CIB2: variants seen among roughly 807,000 people sequenced by gnomAD.
CIB2 encodes calcium and integrin binding family member 2, also known as calcium and integrin-binding family member 2.
A neutral mutation model predicts 23.1 loss-of-function variants in CIB2; 19 were observed. The ratio of observed to expected loss-of-function variants is 0.82; its 90% CI spans 0.57 to 1.21. The LOEUF (loss-of-function observed/expected upper bound fraction) is 1.21, where lower values mean the gene tolerates loss of function less well. Among genes scored for constraint, CIB2 ranks in the 50% most tolerant of loss-of-function variants. CIB2 has a pLI of 0.00. For missense variants in CIB2, 220 were observed against 241.5 expected (o/e 0.91, Z 0.59); for synonymous variants, 94 against 91.7 (o/e 1.03, Z -0.14).
At chr15:78,124,414 G>T (rs1596361930) in intron 1 of CIB2, among the ~76,000 whole-genome samples, 1 of 151,974 alleles carries the variant, frequency 6.6e-6, no homozygotes, top group East Asian at 1.9e-4. Context: ...CATTACTCCA[G>T]GTGGGGGGCA....
At chr15:78,127,418 G>A (rs1400468276) in intron 1 of CIB2, among the ~76,000 whole-genome samples, 1 of 152,138 alleles carries the variant, frequency 6.6e-6, no homozygotes, top group Non-Finnish European at 1.5e-5. Flanking sequence ...AGGAGAGAGG[G>A]GGCCTAACCC....
chr15:78,110,335 C>G (rs1021790557), intron 3 of CIB2, among the ~76,000 whole-genome samples: 1 of 152,246 alleles, frequency 6.6e-6, no homozygotes, highest in Non-Finnish European at 1.5e-5. Flanking sequence ...CTCCAGCAAC[C>G]CTCTGAGCTT....
intron 2 of CIB2, among the ~76,000 whole-genome samples, chr15:78,112,410 G>GA (rs371070218): frequency 9.3e-5 from 14 of 150,766 alleles, no homozygotes; most frequent in South Asian, 4.2e-4. Flanking sequence ...CTACAAAAAT[G>GA]AAAAAAAAAT....
At chr15:78,109,200 C>CGGGG in intron 4 of CIB2, 35 bp downstream of exon 4, 1 of 1,159,162 alleles carries the variant, frequency 8.6e-7, no homozygotes, top group Non-Finnish European at 1.2e-6. Flanking sequence ...GTTCCCCCAC[C>CGGGG]GCATATTCAG....
intron 4 of CIB2, among the ~76,000 whole-genome samples, chr15:78,108,826 C>T (rs1036160068): frequency 3.3e-5 from 5 of 152,226 alleles, no homozygotes; most frequent in African/African-American, 4.8e-5. Flanking sequence ...AGACTCATAC[C>T]GCCCCCTGTC....
intron 1 of CIB2, among the ~76,000 whole-genome samples, chr15:78,124,781 A>G (rs540893412): frequency 2.0e-5 from 3 of 152,264 alleles, no homozygotes; most frequent in Non-Finnish European, 2.9e-5. Context: ...TCTGATGAGG[A>G]GTGAATGGCT....
In CIB2 at chr15:78,131,228, G is replaced by T; in HGVS notation, c.-13C>A. 1 of 1,493,776 alleles carries T rather than the reference G, an allele frequency of 6.7e-7. No individual in the cohort carries two copies. The allele number at this position is 1,493,776 out of a possible 1,614,324, so 92.5% of individuals were successfully genotyped here. On this transcript the variant is annotated 5_prime_UTR_variant, in exon 1 of 6. Transcript: ENST00000258930. The surrounding 1 kb of genome is among the most constrained non-coding windows in gnomAD (Gnocchi z 5.8). ...GCTTGTTCCCCATGGTGGCCGCCGCGCCGCCGCTCGCCCGCCCGGGCTCCG... is the reference window on the plus strand; with the variant it reads ...GCTTGTTCCCCATGGTGGCCGCCGCTCCGCCGCTCGCCCGCCCGGGCTCCG...
chr15:78,112,579 T>C (rs1004519275), intron 2 of CIB2, among the ~76,000 whole-genome samples: 2 of 152,004 alleles, frequency 1.3e-5, no homozygotes, highest in Non-Finnish European at 2.9e-5. Flanking sequence ...AAAACAAAAA[T>C]TGTGTCCATT....
chr15:78,105,258 G>A lies in CIB2; in HGVS notation c.*53C>T. On this transcript the variant is annotated 3_prime_UTR_variant, in exon 6 of 6. Transcript: ENST00000258930. ...GGGAGCTTGGAGGCCACACCCATGT[G>A]ACTGCAGGGCAGGATGGTGGACTTC... 1 of 1,612,082 alleles carries A rather than the reference G, an allele frequency of 6.2e-7. No homozygotes were observed. The highest frequency in any genetic ancestry group is 8.5e-7 in the Non-Finnish European group (1 of 1,178,796).
intron 3 of CIB2, among the ~76,000 whole-genome samples, chr15:78,110,481 C>T (rs1210262000): frequency 6.6e-6 from 1 of 152,258 alleles, no homozygotes; most frequent in Non-Finnish European, 1.5e-5. Context: ...ACTCCACCTT[C>T]AAGCCACACA....
chr15:78,115,556 T>C (rs57778149), intron 2 of CIB2, among the ~76,000 whole-genome samples: 7,673 of 151,990 alleles, frequency 0.05, 295 homozygotes, highest in South Asian at 0.15. Flanking sequence ...CCACCGCACC[T>C]GGTCAAAAGT....
intron 2 of CIB2, 101 bp downstream of exon 2, chr15:78,123,604 C>G: frequency 8.3e-7 from 1 of 1,210,002 alleles, no homozygotes; most frequent in Non-Finnish European, 1.2e-6. Context: ...TGCTGATGCT[C>G]TGCCTCAGCC....
chr15:78,128,060 C>T (rs974946501), intron 1 of CIB2, among the ~76,000 whole-genome samples: 1 of 152,246 alleles, frequency 6.6e-6, no homozygotes, highest in African/African-American at 2.4e-5. Context: ...TCTTTTGTGC[C>T]TGGACAGAGG....
chr15:78,123,770 A>G (rs2141913514), intron 1 of CIB2, 31 bp from the exon 2 acceptor site: 1 of 1,613,704 alleles, frequency 6.2e-7, no homozygotes, highest in East Asian at 2.2e-5. Flanking sequence ...ACACACAGTC[A>G]GTGTGCGGCT....
At chr15:78,105,668 G>T (rs773804600) in intron 5 of CIB2, 71 bp downstream of exon 5, 2 of 1,607,536 alleles carry the variant, frequency 1.2e-6, no homozygotes, top group Middle Eastern at 1.7e-4. Flanking sequence ...CGAGTGATAG[G>T]GGCCTCAGCC....
chr15:78,110,749 T>C (rs2074146271), intron 3 of CIB2: 3 of 456,732 alleles, frequency 6.6e-6, no homozygotes, highest in South Asian at 3.1e-5. Context: ...GAGTTTAAAA[T>C]TAAATTTTAA....
At chr15:78,112,302 T>C (rs553141517) in intron 2 of CIB2, among the ~76,000 whole-genome samples, 46 of 152,292 alleles carry the variant, frequency 3.0e-4, no homozygotes, top group African/African-American at 1.0e-3. Flanking sequence ...TGTGGTGGCC[T>C]ATGCCTGTAA....
intron 2 of CIB2, among the ~76,000 whole-genome samples, chr15:78,122,943 G>A (rs1237274112): frequency 6.6e-6 from 1 of 152,228 alleles, no homozygotes; most frequent in East Asian, 1.9e-4. Context: ...GATCTCCAGG[G>A]CAAGTGATCC....
At chr15:78,129,219 G>A (rs1238531520) in intron 1 of CIB2, among the ~76,000 whole-genome samples, 1 of 152,078 alleles carries the variant, frequency 6.6e-6, no homozygotes, top group Non-Finnish European at 1.5e-5. Flanking sequence ...GCCCGGGCTG[G>A]CAATGGCTGG....
Sources: gnomAD v4.1 joint callset for allele counts (sites outside exome capture counted in the v4.1 genomes callset) on GRCh38, gnomAD v4.1.1 for gene constraint, Gnocchi (gnomAD v3.1) non-coding constraint, MANE v1.5 for transcripts, NCBI Gene and HGNC (gene_info 2026-07-23, HGNC 2026-07-21) for gene names.